The following ANKRD11 variants were observed in gnomAD, a reference collection of about 807,000 sequenced individuals.
ANKRD11 encodes ankyrin repeat domain 11.
A neutral mutation model predicts 195.7 loss-of-function variants in ANKRD11; 17 were observed. The observed-to-expected ratio is 0.09, with a 90% confidence interval of 0.06 to 0.13. ANKRD11 has a LOEUF of 0.13. Among genes scored for constraint, ANKRD11 ranks in the 10% least tolerant of loss-of-function variants. ANKRD11 has a pLI of 1.00. For synonymous variants in ANKRD11, 1,953 were observed against 1,528.1 expected (o/e 1.28, Z -6.49); for missense variants, 3,735 against 3,566.1 (o/e 1.05, Z -1.21).
intron 2 of ANKRD11, among the ~76,000 whole-genome samples, chr16:89,349,317 C>T (rs1157298370): frequency 6.6e-6 from 1 of 151,632 alleles, no homozygotes; most frequent in South Asian, 2.1e-4. Context: ...CATCTCTACT[C>T]AAAATACCAA....
At chr16:89,278,758 G>A in intron 9 of ANKRD11, 1 of 562,944 alleles carries the variant, frequency 1.8e-6, no homozygotes. Context: ...GGAGTGGAGA[G>A]GGGAGAGTGA....
In ANKRD11 at chr16:89,283,287, C is replaced by T. The variant is rs1282188265; in HGVS notation, c.3255G>A (p.Glu1085=). ...ERKASLDQGK[E]KKEKAFPGII... Reference sequence around the variant, plus strand: ...TCCCAGGGAAAGCCTTCTCCTTCTTCTCTTTCCCTTGGTCGAGAGACGCTT... The same window carrying T: ...TCCCAGGGAAAGCCTTCTCCTTCTTTTCTTTCCCTTGGTCGAGAGACGCTT... Residue 1085 remains glutamate (E), a synonymous_variant, in exon 9 of 13, where the codon GAG becomes GAA. Coordinates refer to ENST00000301030, the MANE Select transcript of ANKRD11 (RefSeq NM_013275.6). This position sits in a 1 kb window ranked among gnomAD's most constrained non-coding sequence, Gnocchi z 4.3. 1 of 1,614,170 alleles carries T rather than the reference C, an allele frequency of 6.2e-7. No individual in the cohort carries two copies.
At position 89,284,839 on chromosome 16, in the gene ANKRD11, G is replaced by C; in HGVS notation, c.1703C>G (p.Ser568Cys). The change falls in exon 9 of 13, where the codon TCC (serine) becomes TGC (cysteine). Residue 568 changes from serine (S) to cysteine (C), a missense_variant. Physicochemically the swap from Ser to Cys is moderately radical, Grantham distance 112. Coordinates refer to ENST00000301030, the MANE Select transcript of ANKRD11 (RefSeq NM_013275.6). ...CTCGCTTGTCAGTCTCGTCCTTGTG[G>C]AGTCTGATAAAGAACTGACCTCTGA... ...AWSEVSSLSD[S>C]TRTRLTSESD... 1 of 1,613,962 alleles carries C rather than the reference G, an allele frequency of 6.2e-7. No individual in the cohort carries two copies. Among genetic ancestry groups the C allele is most frequent in the Non-Finnish European group, 8.5e-7 (1 of 1,180,028 alleles).
At chr16:89,467,943 G>A (rs1433557171) in intron 1 of ANKRD11, among the ~76,000 whole-genome samples, 1 of 151,956 alleles carries the variant, frequency 6.6e-6, no homozygotes, top group Non-Finnish European at 1.5e-5. Context: ...TGGGACTACA[G>A]ATGCGCACCA....
intron 2 of ANKRD11, among the ~76,000 whole-genome samples, chr16:89,346,091 A>G: frequency 6.6e-6 from 1 of 151,778 alleles, no homozygotes; most frequent in Admixed American, 6.6e-5. Flanking sequence ...ACAACACAAA[A>G]AAAAAAAATT....
chr16:89,304,214 C>A (rs1394794295), intron 4 of ANKRD11, among the ~76,000 whole-genome samples: 1 of 152,214 alleles, frequency 6.6e-6, no homozygotes, highest in Non-Finnish European at 1.5e-5. Context: ...GGTGTCACTG[C>A]AGAAGGCGCT....
intron 1 of ANKRD11, among the ~76,000 whole-genome samples, chr16:89,453,875 C>T (rs1383976395): frequency 6.6e-6 from 1 of 152,154 alleles, no homozygotes; most frequent in East Asian, 1.9e-4. Context: ...CCAGTGCTGG[C>T]GTCCACTCCC....
At chr16:89,467,744 T>A (rs984221315) in intron 1 of ANKRD11, among the ~76,000 whole-genome samples, 8 of 152,144 alleles carry the variant, frequency 5.3e-5, no homozygotes, top group Non-Finnish European at 1.0e-4. Flanking sequence ...TAAGACATAC[T>A]GCATATGTTT....
intron 1 of ANKRD11, among the ~76,000 whole-genome samples, chr16:89,474,514 T>C (rs1396117308): frequency 6.6e-6 from 1 of 151,894 alleles, no homozygotes; most frequent in African/African-American, 2.4e-5. Flanking sequence ...CATCATCCCA[T>C]TTGAAAGAAA....
At chr16:89,393,359 C>A (rs541325746) in intron 2 of ANKRD11, among the ~76,000 whole-genome samples, 2 of 150,192 alleles carry the variant, frequency 1.3e-5, no homozygotes, top group Non-Finnish European at 3.0e-5. Context: ...AGTGCGAGAC[C>A]ACTCAGGCAG....
At chr16:89,454,131 C>A (rs2056321613) in intron 1 of ANKRD11, among the ~76,000 whole-genome samples, 1 of 151,542 alleles carries the variant, frequency 6.6e-6, no homozygotes, top group African/African-American at 2.4e-5. Context: ...CCTGGCACAC[C>A]ACAGCCAACA....
chr16:89,443,725 T>C (rs1367275701), intron 1 of ANKRD11, among the ~76,000 whole-genome samples: 2 of 152,196 alleles, frequency 1.3e-5, no homozygotes, highest in Non-Finnish European at 2.9e-5. Flanking sequence ...CACCCCTTTA[T>C]TACATGTAAA....
At chr16:89,470,999 A>G (rs1421543612) in intron 1 of ANKRD11, among the ~76,000 whole-genome samples, 1 of 151,822 alleles carries the variant, frequency 6.6e-6, no homozygotes, top group African/African-American at 2.4e-5. Flanking sequence ...TCTCAGAAAA[A>G]AAAGGAAATC....
intron 1 of ANKRD11, among the ~76,000 whole-genome samples, chr16:89,438,660 T>C (rs1405904611): frequency 2.6e-5 from 4 of 152,056 alleles, no homozygotes; most frequent in Non-Finnish European, 5.9e-5. Flanking sequence ...AAAGACATAC[T>C]GGGTCATGAT....
chr16:89,478,133 G>A (rs917442851), intron 1 of ANKRD11, among the ~76,000 whole-genome samples: 1 of 152,152 alleles, frequency 6.6e-6, no homozygotes, highest in African/African-American at 2.4e-5. Flanking sequence ...AACACTTTCA[G>A]GAACAGTTCC....
intron 1 of ANKRD11, among the ~76,000 whole-genome samples, chr16:89,440,227 A>G (rs8044039): frequency 0.025 from 3,862 of 152,304 alleles, 156 homozygotes; most frequent in African/African-American, 0.088. Flanking sequence ...TTAGAAATGA[A>G]CATTTTATCA....
chr16:89,397,673 AC>A (rs769812793), intron 2 of ANKRD11, among the ~76,000 whole-genome samples: 22 of 152,210 alleles, frequency 1.4e-4, no homozygotes, highest in Non-Finnish European at 2.6e-4. Context: ...TCCCAGTTTT[AC>A]AGTGTGCTTT....
intron 4 of ANKRD11, among the ~76,000 whole-genome samples, chr16:89,296,472 ACTTT>A (rs1404907531): frequency 6.6e-6 from 1 of 152,092 alleles, no homozygotes; most frequent in East Asian, 1.9e-4. Flanking sequence ...ATTCACCAAT[ACTTT>A]CTTATGTTGT....
At chr16:89,290,882 T>C in intron 5 of ANKRD11, 54 bp from the exon 6 acceptor site, 1 of 1,610,922 alleles carries the variant, frequency 6.2e-7, no homozygotes, top group Non-Finnish European at 8.5e-7. Flanking sequence ...TCCTGCTTTG[T>C]CCAATCTTCA....
Sources: allele counts gnomAD v4.1 joint callset (sites outside exome capture counted in the v4.1 genomes callset), GRCh38; gene constraint gnomAD v4.1.1; non-coding constraint Gnocchi (gnomAD v3.1); transcripts MANE v1.5; gene names NCBI Gene and HGNC (gene_info 2026-07-23, HGNC 2026-07-21).